The following NDFIP1 variants were observed in gnomAD, a reference collection of about 807,000 sequenced individuals.
NDFIP1 encodes the protein NEDD4 family-interacting protein 1.
Under a neutral mutation model 28.8 loss-of-function variants are expected in NDFIP1, and 7 were observed. The observed-to-expected ratio is 0.24, with a 90% CI of 0.14 to 0.46. The LOEUF is 0.46. Among genes scored for constraint, NDFIP1 ranks in the 20% least tolerant of loss-of-function variants. The probability of loss-of-function intolerance (pLI) is 0.99; values close to 1 mark genes in which losing one functional copy is unlikely to be tolerated. For missense variants in NDFIP1, 194 were observed against 269.1 expected (o/e 0.72, Z 1.95); for synonymous variants, 92 against 101.0 (o/e 0.91, Z 0.53).
At chr5:142,114,396 A>G (rs1757045509) in intron 1 of NDFIP1, among the ~76,000 whole-genome samples, 1 of 151,924 alleles carries the variant, frequency 6.6e-6, no homozygotes, top group Non-Finnish European at 1.5e-5. Flanking sequence ...TTCTTTGTTC[A>G]TTTTTGAATT....
intron 7 of NDFIP1, among the ~76,000 whole-genome samples, chr5:142,151,307 A>G (rs1441727452): frequency 6.6e-6 from 1 of 152,202 alleles, no homozygotes; most frequent in Non-Finnish European, 1.5e-5. Context: ...TCCTTGTGCA[A>G]TATCTAGTGG....
rs144352061 is a variant in NDFIP1 at position 142,152,869 on chromosome 5, C to T, written c.*1141C>T. On this transcript the variant is annotated 3_prime_UTR_variant, in exon 8 of 8. Transcript: ENST00000253814. The stretch of plus-strand genomic sequence containing the variant: ...ATCTTAGGGAATCATTCAGTAGATG[C>T]GATTAAAAAACTAATGTTGGGTCAA... 33 of 175,206 alleles carry T rather than the reference C, an allele frequency of 1.9e-4. No homozygotes were observed. The highest frequency in any genetic ancestry group is 6.7e-4 in the African/African-American group (28 of 41,706). The allele number at this position is 175,206 out of a possible 1,614,324, so 10.9% of individuals were successfully genotyped here.
intron 5 of NDFIP1, 97 bp from the exon 6 acceptor site, chr5:142,140,466 G>T: frequency 3.2e-4 from 224 of 689,812 alleles, no homozygotes; most frequent in Non-Finnish European, 4.2e-4. Context: ...AAAAAAAAAA[G>T]AATAAGTCTT....
intron 1 of NDFIP1, among the ~76,000 whole-genome samples, chr5:142,109,763 G>A (rs1756992725): frequency 6.6e-6 from 1 of 152,166 alleles, no homozygotes; most frequent in Admixed American, 6.5e-5. Flanking sequence ...CATTTTCTCG[G>A]GTTTGATTTA....
chr5:142,141,327 C>T (rs1757327960), intron 6 of NDFIP1, among the ~76,000 whole-genome samples: 1 of 151,588 alleles, frequency 6.6e-6, no homozygotes. Context: ...AGGCACCTGC[C>T]ACCACGCCCG....
intron 1 of NDFIP1, among the ~76,000 whole-genome samples, chr5:142,116,335 CTTCCTTCCTTCCTTCT>C (rs1174989083): frequency 8.1e-6 from 1 of 123,222 alleles, no homozygotes; most frequent in Non-Finnish European, 1.6e-5. Context: ...TCCTTCCTTC[CTTCCTTCCTTCCTTCT>C]TTCTCTCTCT....
At chr5:142,141,580 T>G (rs766895942) in intron 6 of NDFIP1, among the ~76,000 whole-genome samples, 1 of 152,174 alleles carries the variant, frequency 6.6e-6, no homozygotes, top group Non-Finnish European at 1.5e-5. Context: ...GTTGGCTTCT[T>G]GATTATATGT....
At chr5:142,115,933 G>A (rs1243069162) in intron 1 of NDFIP1, among the ~76,000 whole-genome samples, 1 of 152,120 alleles carries the variant, frequency 6.6e-6, no homozygotes, top group Non-Finnish European at 1.5e-5. Context: ...ATTTTACATA[G>A]CATTTACATT....
chr5:142,115,815 T>C (rs1045205726), intron 1 of NDFIP1, among the ~76,000 whole-genome samples: 1 of 152,170 alleles, frequency 6.6e-6, no homozygotes, highest in Non-Finnish European at 1.5e-5. Flanking sequence ...GCTCTGGGTA[T>C]CCACAGGTTC....
rs8378 is a variant in NDFIP1 at position 142,153,949 on chromosome 5, C to A, written c.*2221C>A. The A allele has an allele frequency of 0.27, 41,655 of 152,406 alleles. 7,011 individuals carry two copies. The highest frequency in any genetic ancestry group is 0.37 in the Non-Finnish European group (25,254 of 68,170). 9.4% of individuals were successfully genotyped at this position (152,406 alleles called of 1,614,324 possible). On this transcript the variant is annotated 3_prime_UTR_variant, in exon 8 of 8. Coordinates refer to ENST00000253814, the MANE Select transcript of NDFIP1 (RefSeq NM_030571.4). ...TCAAATGTAAACCTACAGTTTGATA[C>A]GCTTTAAAATACCTAGTTAAGAGGA...
intron 1 of NDFIP1, among the ~76,000 whole-genome samples, chr5:142,110,471 C>A (rs1203616120): frequency 6.6e-6 from 1 of 152,148 alleles, no homozygotes; most frequent in Non-Finnish European, 1.5e-5. Flanking sequence ...TGTGGTTTTT[C>A]TTTGTACTGC....
chr5:142,121,875 T>C (rs920690647), intron 1 of NDFIP1, among the ~76,000 whole-genome samples: 5 of 152,220 alleles, frequency 3.3e-5, no homozygotes, highest in African/African-American at 9.6e-5. Context: ...TCCACCTCCA[T>C]GCCTGTTTTG....
At chr5:142,141,999 T>C (rs141340088) in intron 6 of NDFIP1, among the ~76,000 whole-genome samples, 4 of 152,188 alleles carry the variant, frequency 2.6e-5, no homozygotes, top group Admixed American at 2.6e-4. Context: ...TAACCAAGCA[T>C]GGTGGTTTGT....
intron 2 of NDFIP1, 65 bp downstream of exon 2, chr5:142,131,960 TA>T (rs556414620): frequency 0.13 from 124,595 of 962,244 alleles, no homozygotes; most frequent in East Asian, 0.18. Context: ...CATTACAGTT[TA>T]AAAAAAAAAA....
intron 7 of NDFIP1, among the ~76,000 whole-genome samples, 190 bp downstream of exon 7, chr5:142,144,866 T>G (rs1166879711): frequency 6.6e-6 from 1 of 152,198 alleles, no homozygotes; most frequent in Non-Finnish European, 1.5e-5. Context: ...AAAGTCAAAT[T>G]AGAAAAACTG....
intron 1 of NDFIP1, among the ~76,000 whole-genome samples, chr5:142,113,173 G>A (rs1757032905): frequency 6.6e-6 from 1 of 152,204 alleles, no homozygotes; most frequent in South Asian, 2.1e-4. Context: ...TTGCCCACTT[G>A]TGAGCATCAC....
chr5:142,115,459 A>T (rs1159794889), intron 1 of NDFIP1, among the ~76,000 whole-genome samples: 4 of 151,770 alleles, frequency 2.6e-5, no homozygotes, highest in African/African-American at 9.7e-5. Context: ...AATTTTTTGT[A>T]TTTTTCGTAG....
chr5:142,120,420 C>T (rs1437098901), intron 1 of NDFIP1, among the ~76,000 whole-genome samples: 1 of 152,164 alleles, frequency 6.6e-6, no homozygotes, highest in Non-Finnish European at 1.5e-5. Context: ...TTTTGGCTTT[C>T]TGGTTTAGGA....
intron 3 of NDFIP1, among the ~76,000 whole-genome samples, chr5:142,134,568 C>A (rs1757256055): frequency 6.6e-6 from 1 of 152,184 alleles, no homozygotes; most frequent in African/African-American, 2.4e-5. Flanking sequence ...CCACTGTTAA[C>A]AATTTGGGTC....
Sources: gnomAD v4.1 joint callset for allele counts (sites outside exome capture counted in the v4.1 genomes callset) on GRCh38, gnomAD v4.1.1 for gene constraint, MANE v1.5 for transcripts, NCBI Gene and HGNC (gene_info 2026-07-23, HGNC 2026-07-21) for gene names.